SV2B: variants seen among roughly 807,000 people sequenced by gnomAD.
SV2B encodes the protein synaptic vesicle glycoprotein 2B.
A neutral mutation model predicts 73.9 loss-of-function variants in SV2B; 41 were observed. The observed-to-expected ratio is 0.56, with a 90% CI of 0.43 to 0.72. The LOEUF (loss-of-function observed/expected upper bound fraction) is 0.72. Ranked by LOEUF, SV2B falls within the 30% of genes least tolerant of loss-of-function variation. The pLI is 0.00. For missense variants in SV2B, 764 were observed against 857.8 expected (o/e 0.89, Z 1.37); for synonymous variants, 314 against 314.2 (o/e 1.00, Z 0.01).
chr15:91,131,181 G>T (rs1001976423), intron 1 of SV2B, among the ~76,000 whole-genome samples: 4 of 141,774 alleles, frequency 2.8e-5, no homozygotes, highest in African/African-American at 1.1e-4. Context: ...ATAGAGACAA[G>T]GTCTCACTTT....
At chr15:91,256,661 A>G (rs1461172467) in intron 4 of SV2B, among the ~76,000 whole-genome samples, 2 of 152,214 alleles carry the variant, frequency 1.3e-5, no homozygotes, top group African/African-American at 2.4e-5. Flanking sequence ...GTGAGATGAT[A>G]AGAGACCAAG....
intron 1 of SV2B, among the ~76,000 whole-genome samples, chr15:91,167,322 T>A (rs2043951968): frequency 6.6e-6 from 1 of 152,222 alleles, no homozygotes; most frequent in South Asian, 2.1e-4. Flanking sequence ...TTTTAAATTG[T>A]GTATTAGTTT....
At chr15:91,276,664 T>A (rs2048498595) in intron 9 of SV2B, among the ~76,000 whole-genome samples, 1 of 151,908 alleles carries the variant, frequency 6.6e-6, no homozygotes, top group South Asian at 2.1e-4. Context: ...TCTTTCTGAA[T>A]CTTATAGCTT....
rs2046564134 is a variant in SV2B, at chr15:91,231,267, T to C, written c.451+4553T>C. Among the ~76,000 whole-genome samples the C allele has an allele frequency of 6.6e-6, 1 of 152,042 alleles. No individual in the cohort carries two copies. Among genetic ancestry groups the C allele is most frequent in the South Asian group, 2.1e-4 (1 of 4,810 alleles). On this transcript the variant is annotated intron_variant, in intron 2 of 12. Transcript: ENST00000394232. The surrounding 1 kb of genome is among the most constrained non-coding windows in gnomAD (Gnocchi z 4.5). ...TGATTCCACTGGTAGTGGAGAGCTG[T>C]TTAATGGGGAGCTATGAAATATGCC...
chr15:91,133,342 G>GT (rs2042714623), intron 1 of SV2B, among the ~76,000 whole-genome samples: 2 of 151,394 alleles, frequency 1.3e-5, no homozygotes, highest in South Asian at 4.2e-4. Context: ...CCATCCTCCT[G>GT]TTTCACTACT....
chr15:91,131,147 G>GTT (rs56130189), intron 1 of SV2B, among the ~76,000 whole-genome samples: 10,855 of 117,872 alleles, frequency 0.092, 546 homozygotes, highest in Non-Finnish European at 0.12. Context: ...ATGTTTTCTT[G>GTT]TTTTTTTTTT....
chr15:91,176,832 T>G (rs2044327750), intron 1 of SV2B, among the ~76,000 whole-genome samples: 2 of 151,934 alleles, frequency 1.3e-5, no homozygotes, highest in Non-Finnish European at 2.9e-5. Context: ...TTTCTCCCAT[T>G]TTGTAGGTTG....
chr15:91,141,505 C>T lies in SV2B; in HGVS notation c.-392+41142C>T, dbSNP rs1265402269. On this transcript the variant is annotated intron_variant, in intron 1 of 12. Coordinates refer to ENST00000394232, the MANE Select transcript of SV2B (RefSeq NM_001323032.3). The surrounding 1 kb of genome is among the most constrained non-coding windows in gnomAD (Gnocchi z 4.6). ...CTTTGAGGGCCAGCTCTGCCACTTA[C>T]CATCTGTGAGACTTTCAGCGAGTTA... 6.6e-6 allele frequency among the ~76,000 whole-genome samples: 1 copy of T among 152,172 alleles called. No homozygotes were observed. Among genetic ancestry groups the T allele is most frequent in the Non-Finnish European group, 1.5e-5 (1 of 68,024 alleles).
intron 2 of SV2B, among the ~76,000 whole-genome samples, chr15:91,230,356 C>T (rs2046531043): frequency 6.6e-6 from 1 of 152,064 alleles, no homozygotes; most frequent in Non-Finnish European, 1.5e-5. Flanking sequence ...GAGAAATCTC[C>T]ACTCCCAAAT....
intron 1 of SV2B, among the ~76,000 whole-genome samples, chr15:91,217,634 C>G (rs1202731201): frequency 1.3e-5 from 2 of 152,260 alleles, no homozygotes; most frequent in South Asian, 2.1e-4. Context: ...AAATGTTGCT[C>G]TTAACTTGAA....
At chr15:91,225,293 G>GA (rs1050006130) in intron 1 of SV2B, among the ~76,000 whole-genome samples, 4 of 147,970 alleles carry the variant, frequency 2.7e-5, no homozygotes, top group Non-Finnish European at 5.9e-5. Context: ...TGGGATTCAA[G>GA]AAAAATGTTT....
At chr15:91,192,751 CAG>C (rs2045088069) in intron 1 of SV2B, among the ~76,000 whole-genome samples, 3 of 152,208 alleles carry the variant, frequency 2.0e-5, no homozygotes, top group South Asian at 2.1e-4. Context: ...TACAAAATCA[CAG>C]AGTTTTGCTC....
At position 91,265,692 on chromosome 15, in the gene SV2B, CT is replaced by C. The variant is rs2048074864; in HGVS notation, c.1009-889del. Among the ~76,000 whole-genome samples, 1 of 152,242 alleles carries C rather than the reference CT, an allele frequency of 6.6e-6. No homozygotes were observed. The highest frequency in any genetic ancestry group is 1.5e-5 in the Non-Finnish European group (1 of 68,040). ...GCCTGCTTTGTTAGTTCTGAAGCTT[CT>C]CTGTCTGACCTCAGGCGGAAGATCA... On this transcript the variant is annotated intron_variant, in intron 6 of 12. Coordinates refer to ENST00000394232, the MANE Select transcript of SV2B (RefSeq NM_001323032.3). This position sits in a 1 kb window ranked among gnomAD's most constrained non-coding sequence, Gnocchi z 4.2.
chr15:91,258,691 C>T lies in SV2B; in HGVS notation c.918+137C>T. ...AAACTCTCCCCTGGTCGGCTGACCTCACTCATCATTGAATCTGGCACCTGC... is the reference window on the plus strand; with the variant it reads ...AAACTCTCCCCTGGTCGGCTGACCTTACTCATCATTGAATCTGGCACCTGC... On this transcript the variant is annotated intron_variant, in intron 5 of 12. Transcript: ENST00000394232. The surrounding 1 kb of genome is among the most constrained non-coding windows in gnomAD (Gnocchi z 4.7). 1.6e-6 allele frequency: 2 copies of T among 1,280,688 alleles called. No individual in the cohort carries two copies. The highest frequency in any genetic ancestry group is 2.1e-6 in the Non-Finnish European group (2 of 945,060). The allele number at this position is 1,280,688 out of a possible 1,614,324, so 79.3% of individuals were successfully genotyped here.
intron 1 of SV2B, among the ~76,000 whole-genome samples, chr15:91,120,811 C>CAAA (rs756474473): frequency 5.1e-5 from 5 of 97,270 alleles, no homozygotes; most frequent in Admixed American, 1.1e-4. Context: ...GAACCTGTCT[C>CAAA]AAAAAAAAAA....
intron 1 of SV2B, among the ~76,000 whole-genome samples, chr15:91,196,903 T>A (rs2045265093): frequency 6.6e-6 from 1 of 152,146 alleles, no homozygotes; most frequent in Non-Finnish European, 1.5e-5. Flanking sequence ...CAGGTGATAA[T>A]CATGATGGCT....
intron 1 of SV2B, among the ~76,000 whole-genome samples, chr15:91,112,917 A>G (rs905794828): frequency 3.3e-5 from 5 of 152,238 alleles, no homozygotes; most frequent in Admixed American, 6.5e-5. Flanking sequence ...CCTGGGCTCA[A>G]GAGACCCTCC....
chr15:91,221,695 A>ACG lies in SV2B; in HGVS notation c.-391-4177_-391-4176insGC, dbSNP rs937088399. Among the ~76,000 whole-genome samples, 234 of 132,432 alleles carry ACG rather than the reference A, an allele frequency of 1.8e-3. 2 individuals carry two copies. Among genetic ancestry groups the ACG allele is most frequent in the African/African-American group, 6.5e-3 (206 of 31,934 alleles). The allele number at this position is 132,432 out of a possible 152,430, so 86.9% of individuals were successfully genotyped here. A position where few individuals can be genotyped will look rare whatever the true frequency, so the allele number is the denominator to read the frequency against. On this transcript the variant is annotated intron_variant, in intron 1 of 12. Coordinates refer to ENST00000394232, the MANE Select transcript of SV2B (RefSeq NM_001323032.3). Reference sequence around the variant, plus strand: ...GTGGACTATTACCAAGCATGTGCGCACACACACACACACACACACACACAC... The same window carrying ACG: ...GTGGACTATTACCAAGCATGTGCGCACGCACACACACACACACACACACACAC...
Position 91,252,455 on chromosome 15 carries a change from G to A in SV2B, c.719G>A (p.Gly240Asp), listed in dbSNP as rs771638877. ...EKRGEHLSWLGIFWMTGGLYA... is the reference protein window; with the variant it reads ...EKRGEHLSWLDIFWMTGGLYA... Reference sequence around the variant, plus strand: ...CGAGGAGAACACCTCAGTTGGCTGGGCATCTTCTGGATGACTGGGGGCCTG... The same window carrying A: ...CGAGGAGAACACCTCAGTTGGCTGGACATCTTCTGGATGACTGGGGGCCTG... Residue 240 changes from glycine to aspartate, a missense_variant, in exon 4 of 13, where the codon GGC (glycine) becomes GAC (aspartate). Transcript: ENST00000394232. This position sits in a 1 kb window ranked among gnomAD's most constrained non-coding sequence, Gnocchi z 4.6. The A allele has an allele frequency of 6.2e-7, 1 of 1,613,632 alleles. No individual in the cohort carries two copies. Among genetic ancestry groups the A allele is most frequent in the Non-Finnish European group, 8.5e-7 (1 of 1,179,772 alleles).
Sources: allele counts gnomAD v4.1 joint callset (sites outside exome capture counted in the v4.1 genomes callset), GRCh38; gene constraint gnomAD v4.1.1; non-coding constraint Gnocchi (gnomAD v3.1); transcripts MANE v1.5; gene names NCBI Gene and HGNC (gene_info 2026-07-23, HGNC 2026-07-21).